MANSC1: variants seen among roughly 807,000 people sequenced by gnomAD.
MANSC1 encodes the protein MANSC domain containing 1, also known as MANSC domain-containing protein 1.
In MANSC1, 13 loss-of-function variants were observed where a neutral mutation model predicts 14.1. The observed-to-expected ratio is 0.92, with a 90% CI of 0.60 to 1.46. The LOEUF (loss-of-function observed/expected upper bound fraction) is 1.46. Among genes scored for constraint, MANSC1 ranks in the 40% most tolerant of loss-of-function variants. The probability of loss-of-function intolerance (pLI) is 0.00; values close to 1 mark genes in which losing one functional copy is unlikely to be tolerated. For missense variants in MANSC1, 486 were observed against 511.4 expected (o/e 0.95, Z 0.48); for synonymous variants, 227 against 200.7 (o/e 1.13, Z -1.11).
intron 3 of MANSC1, among the ~76,000 whole-genome samples, chr12:12,333,060 T>TA (rs1565794685): frequency 6.1e-5 from 9 of 148,744 alleles, no homozygotes; most frequent in Non-Finnish European, 1.2e-4. Flanking sequence ...TATATATATA[T>TA]TTTTGAGACA....
In MANSC1 at chr12:12,338,890, A is replaced by AACACAC. The variant is rs56183211; in HGVS notation, c.224-336_224-331dup. 1,413 of 192,976 alleles carry AACACAC rather than the reference A, an allele frequency of 7.3e-3. 24 individuals are homozygous for AACACAC. The highest frequency in any genetic ancestry group is 0.024 in the South Asian group (287 of 12,086). The allele number at this position is 192,976 out of a possible 1,614,324, so 12.0% of individuals were successfully genotyped here. ...AGGCATCCACAACCACACACACACA[A>AACACAC]ACACACACACACACACACACACACA... On this transcript the variant is annotated intron_variant, in intron 2 of 3. Coordinates refer to ENST00000535902, the MANE Select transcript of MANSC1 (RefSeq NM_018050.4).
In MANSC1 at chr12:12,330,557, G is replaced by T. The variant is rs780476498; in HGVS notation, c.766C>A (p.Pro256Thr). ...AGCTGTGGCTGGGAAGTCCCAGAAG[G>T]TGTCACTGAAGCATTGGTGGGTAGA... ...TLLPTNASVT[P>T]SGTSQPQLAT... Residue 256 changes from proline to threonine, a missense_variant, in exon 4 of 4, where the codon CCT becomes ACT. Pro to Thr is a conservative substitution (Grantham distance 38). Coordinates refer to ENST00000535902, the MANE Select transcript of MANSC1 (RefSeq NM_018050.4). 3.9e-5 allele frequency: 63 copies of T among 1,614,086 alleles called. No homozygotes were observed. Among genetic ancestry groups the T allele is most frequent in the Non-Finnish European group, 5.0e-5 (59 of 1,180,050 alleles).
rs1862772269 is a variant in MANSC1 at position 12,330,559 on chromosome 12, G to A, written c.764C>T (p.Thr255Ile). The change falls in exon 4 of 4, where the codon ACA becomes ATA. Residue 255 changes from threonine (T) to isoleucine (I), a missense_variant. By Grantham distance (89) the Thr-to-Ile change is moderately conservative. Transcript: ENST00000535902. Reference sequence around the variant, plus strand: ...CTGTGGCTGGGAAGTCCCAGAAGGTGTCACTGAAGCATTGGTGGGTAGAAG... The same window carrying A: ...CTGTGGCTGGGAAGTCCCAGAAGGTATCACTGAAGCATTGGTGGGTAGAAG... Reference protein sequence around the residue: ...ATLLPTNASVTPSGTSQPQLA... With the variant: ...ATLLPTNASVIPSGTSQPQLA... 5 of 1,614,222 alleles carry A rather than the reference G, an allele frequency of 3.1e-6. No homozygotes were observed. The highest frequency in any genetic ancestry group is 3.4e-6 in the Non-Finnish European group (4 of 1,180,042).
At chr12:12,342,967 G>A in intron 2 of MANSC1, 125 bp downstream of exon 2, 1 of 690,492 alleles carries the variant, frequency 1.4e-6, no homozygotes, top group Non-Finnish European at 2.5e-6. Flanking sequence ...AAATTCTCCA[G>A]TGATTTTGTC....
Position 12,340,696 on chromosome 12 carries a change from G to A in MANSC1, c.224-2136C>T, listed in dbSNP as rs1187789036. On this transcript the variant is annotated intron_variant, in intron 2 of 3. Coordinates refer to ENST00000535902, the MANE Select transcript of MANSC1 (RefSeq NM_018050.4). ...TCTGCTTGTAGCAAAGCAGTAATAG[G>A]ACTTTGGCTTCTAGAATAAAACAGC... Among the ~76,000 whole-genome samples, 3 of 152,106 alleles carry A rather than the reference G, an allele frequency of 2.0e-5. No homozygotes were observed. The East Asian group carries it at 5.8e-4, about 29-fold the overall frequency.
At chr12:12,332,543 CAG>C (rs571591467) in intron 3 of MANSC1, among the ~76,000 whole-genome samples, 8 of 152,194 alleles carry the variant, frequency 5.3e-5, no homozygotes, top group Non-Finnish European at 8.8e-5. Flanking sequence ...TGTTTTGAGA[CAG>C]AGTCTCACTC....
At position 12,344,703 on chromosome 12, in the gene MANSC1, A is replaced by G. The variant is rs116075275; in HGVS notation, c.-100-1289T>C. On this transcript the variant is annotated intron_variant, in intron 1 of 3. Coordinates refer to ENST00000535902, the MANE Select transcript of MANSC1 (RefSeq NM_018050.4). ...CCAGGATGATCTCGATCTCCTGACC[A>G]TGATCCGCCTGCCTCGGCCTCCCAA... Among the ~76,000 whole-genome samples the G allele has an allele frequency of 3.1e-3, 456 of 149,104 alleles. 2 individuals are homozygous for G. The highest frequency in any genetic ancestry group is 0.028 in the Middle Eastern group (8 of 286).
Position 12,330,316 on chromosome 12 carries a change from T to C in MANSC1, c.1007A>G (p.Tyr336Cys), listed in dbSNP as rs759984604. ...SNLTLNTGNVYNPTALSMSNV... is the reference protein window; with the variant it reads ...SNLTLNTGNVCNPTALSMSNV... ...TGACATAGAAAGTGCAGTAGGGTTATACACATTCCCTGTGTTCAAAGTTAG... is the reference window on the plus strand; with the variant it reads ...TGACATAGAAAGTGCAGTAGGGTTACACACATTCCCTGTGTTCAAAGTTAG... The change falls in exon 4 of 4, where the codon TAT becomes TGT. Residue 336 changes from tyrosine to cysteine, a missense_variant. Tyr to Cys is a radical substitution (Grantham distance 194, BLOSUM62 -2). Transcript: ENST00000535902. The C allele has an allele frequency of 1.9e-6, 3 of 1,614,128 alleles. No homozygotes were observed. Among genetic ancestry groups the C allele is most frequent in the East Asian group, 2.2e-5 (1 of 44,908 alleles).
chr12:12,330,023 A>G lies in MANSC1; in HGVS notation c.*4T>C. On this transcript the variant is annotated 3_prime_UTR_variant, in exon 4 of 4. Transcript: ENST00000535902. ...AATGAATTAAGAGACACCGAGTTCC[A>G]TCCTTAGATGTCCACATAGATCCCA... 1 of 1,610,396 alleles carries G rather than the reference A, an allele frequency of 6.2e-7. No individual in the cohort carries two copies. The highest frequency in any genetic ancestry group is 8.5e-7 in the Non-Finnish European group (1 of 1,177,870).
At chr12:12,335,491 C>T (rs1185773098) in intron 3 of MANSC1, among the ~76,000 whole-genome samples, 5 of 151,676 alleles carry the variant, frequency 3.3e-5, no homozygotes, top group Admixed American at 3.3e-4. Context: ...CAGGCACGCA[C>T]CAGCACACCC....
intron 1 of MANSC1, among the ~76,000 whole-genome samples, chr12:12,349,619 C>T (rs188554672): frequency 3.9e-5 from 6 of 152,106 alleles, no homozygotes; most frequent in Admixed American, 3.3e-4. Context: ...AAAACTTACT[C>T]GCACGTAATT....
At chr12:12,348,717 C>CAAA (rs58073340) in intron 1 of MANSC1, among the ~76,000 whole-genome samples, 2,342 of 134,958 alleles carry the variant, frequency 0.017, 39 homozygotes, top group African/African-American at 0.047. Flanking sequence ...AAGGTAAAAC[C>CAAA]AAAAAAAAAA....
chr12:12,349,836 G>T (rs1272540502), intron 1 of MANSC1, among the ~76,000 whole-genome samples: 1 of 152,224 alleles, frequency 6.6e-6, no homozygotes, highest in Non-Finnish European at 1.5e-5. Flanking sequence ...CTCTCCTTCT[G>T]ATGTCAACGC....
At chr12:12,340,574 C>T (rs1291378026) in intron 2 of MANSC1, among the ~76,000 whole-genome samples, 5 of 152,152 alleles carry the variant, frequency 3.3e-5, no homozygotes, top group Admixed American at 6.5e-5. Context: ...AGAGTATCAT[C>T]GAGTTATCAT....
intron 3 of MANSC1, among the ~76,000 whole-genome samples, chr12:12,334,471 T>A (rs886958586): frequency 1.3e-5 from 2 of 152,120 alleles, no homozygotes. Context: ...CAAACACAAC[T>A]TGCACACATC....
At chr12:12,343,522 A>G (rs1490375364) in intron 1 of MANSC1, 108 bp from the exon 2 acceptor site, 17 of 519,994 alleles carry the variant, frequency 3.3e-5, no homozygotes, top group Non-Finnish European at 5.5e-5. Flanking sequence ...TACAATTTAG[A>G]GAAGAAAAGA....
At position 12,330,138 on chromosome 12, in the gene MANSC1, CA is replaced by C. The variant is rs1862762320; in HGVS notation, c.1184del (p.Leu395ArgfsTer4). ...GGAGGACGAGGCCTATCACCAGGAA[CA>C]GGACACCAAAGAGCAGGGACCCGAT... ...LLIGSLLFGV[L>X]FLVIGLVLLG... On this transcript the variant is annotated frameshift_variant, in exon 4 of 4. Transcript: ENST00000535902. LOFTEE classifies it high-confidence loss of function. 1 of 1,614,124 alleles carries C rather than the reference CA, an allele frequency of 6.2e-7. No homozygotes were observed.
chr12:12,349,212 T>C (rs1160973988), intron 1 of MANSC1, among the ~76,000 whole-genome samples: 1 of 152,222 alleles, frequency 6.6e-6, no homozygotes, highest in Non-Finnish European at 1.5e-5. Context: ...CATGGATACC[T>C]TATCGTGGAC....
At chr12:12,338,281 G>T (rs767195575) in intron 3 of MANSC1, 139 bp downstream of exon 3, 1 of 697,114 alleles carries the variant, frequency 1.4e-6, no homozygotes, top group Non-Finnish European at 2.1e-6. Flanking sequence ...TTAATAAATT[G>T]AATTTCCAGT....
Sources: allele counts gnomAD v4.1 joint callset (sites outside exome capture counted in the v4.1 genomes callset), GRCh38; gene constraint gnomAD v4.1.1; transcripts MANE v1.5; gene names NCBI Gene and HGNC (gene_info 2026-07-23, HGNC 2026-07-21).